Variants in RFX4 observed in about 807,000 individuals in gnomAD.
RFX4 encodes the protein transcription factor RFX4.
Under a neutral mutation model 95.0 loss-of-function variants are expected in RFX4, and 10 were observed. That is an observed-to-expected ratio of 0.11 (90% confidence interval 0.06 to 0.18). The LOEUF is 0.18. Among genes scored for constraint, RFX4 ranks in the 10% least tolerant of loss-of-function variants. The pLI is 1.00. For missense variants in RFX4, 640 were observed against 922.0 expected (o/e 0.69, Z 3.96); for synonymous variants, 321 against 340.7 (o/e 0.94, Z 0.64).
At chr12:106,748,972 C>A (rs561116818) in intron 16 of RFX4, among the ~76,000 whole-genome samples, 17 of 151,916 alleles carry the variant, frequency 1.1e-4, no homozygotes, top group Non-Finnish European at 1.9e-4. Context: ...GTAGTCCCAG[C>A]TACTCGTGAG....
chr12:106,599,523 T>C (rs900070536), intron 1 of RFX4, among the ~76,000 whole-genome samples: 4 of 151,978 alleles, frequency 2.6e-5, no homozygotes, highest in Middle Eastern at 3.2e-3. Flanking sequence ...GTGATGGTGC[T>C]TGTGTTGGGA....
At chr12:106,604,520 A>G (rs964272301) in intron 1 of RFX4, among the ~76,000 whole-genome samples, 1 of 151,198 alleles carries the variant, frequency 6.6e-6, no homozygotes, top group Non-Finnish European at 1.5e-5. Flanking sequence ...TTGATATGTT[A>G]TACTTTTCCA....
chr12:106,700,159 G>A (rs2041957399), intron 8 of RFX4, among the ~76,000 whole-genome samples: 1 of 151,924 alleles, frequency 6.6e-6, no homozygotes, highest in African/African-American at 2.4e-5. Flanking sequence ...GGTCTCCTGA[G>A]TAGCTGAAAT....
At position 106,678,064 on chromosome 12, in the gene RFX4, T is replaced by C. The variant is rs114358172; in HGVS notation, c.316-3929T>C. On this transcript the variant is annotated intron_variant, in intron 4 of 17. Coordinates refer to ENST00000392842, the MANE Select transcript of RFX4 (RefSeq NM_213594.3). ...AAACCATCAGGAATGAAGGGAGTCA[T>C]AGATTAAATTGATCCGTGAATTCCC... is the stretch of plus-strand genomic sequence containing the variant. Among the ~76,000 whole-genome samples, 691 of 152,302 alleles carry C rather than the reference T, an allele frequency of 4.5e-3. 3 individuals are homozygous for C. The highest frequency in any genetic ancestry group is 0.016 in the African/African-American group (668 of 41,574).
intron 7 of RFX4, chr12:106,693,161 G>A (rs778465981): frequency 1.2e-5 from 5 of 401,588 alleles, no homozygotes; most frequent in South Asian, 5.7e-5. Flanking sequence ...TAGTGCTTGA[G>A]CTAAGGCCAT....
intron 2 of RFX4, among the ~76,000 whole-genome samples, chr12:106,632,168 T>C (rs979714255): frequency 1.3e-5 from 2 of 152,286 alleles, no homozygotes; most frequent in African/African-American, 2.4e-5. Flanking sequence ...AGAGCAGAGA[T>C]GCTCACCACT....
intron 4 of RFX4, among the ~76,000 whole-genome samples, chr12:106,664,943 T>G (rs949417254): frequency 6.6e-6 from 1 of 151,900 alleles, no homozygotes. Flanking sequence ...GTGATCTATC[T>G]TGATGAATGT....
chr12:106,617,927 A>G (rs374179334), intron 2 of RFX4, among the ~76,000 whole-genome samples: 9 of 152,142 alleles, frequency 5.9e-5, no homozygotes, highest in Non-Finnish European at 1.3e-4. Flanking sequence ...AGGTTTCACC[A>G]TGTTGGCCAG....
intron 15 of RFX4, among the ~76,000 whole-genome samples, chr12:106,735,423 C>G (rs1360938466): frequency 3.9e-5 from 6 of 152,026 alleles, no homozygotes; most frequent in African/African-American, 1.4e-4. Flanking sequence ...ACCAAAAGCT[C>G]TCATTGAACA....
intron 17 of RFX4, among the ~76,000 whole-genome samples, chr12:106,753,076 GA>G (rs984965603): frequency 6.6e-6 from 1 of 152,008 alleles, no homozygotes; most frequent in African/African-American, 2.4e-5. Context: ...GAGGCTTTCG[GA>G]AAAAAACCCA....
chr12:106,587,175 C>CTG (rs1208827499), intron 1 of RFX4, among the ~76,000 whole-genome samples: 1 of 152,228 alleles, frequency 6.6e-6, no homozygotes, highest in East Asian at 1.9e-4. Flanking sequence ...GCACGCGACT[C>CTG]TGTGCGGCAG....
intron 2 of RFX4, among the ~76,000 whole-genome samples, chr12:106,627,827 G>A (rs2040333566): frequency 1.3e-5 from 2 of 152,226 alleles, no homozygotes; most frequent in African/African-American, 4.8e-5. Context: ...GGAAGTTCAG[G>A]GTGGTCAGGA....
At chr12:106,689,185 C>T (rs781231585) in intron 6 of RFX4, 102 bp from the exon 7 acceptor site, 11 of 960,394 alleles carry the variant, frequency 1.1e-5, no homozygotes, top group African/African-American at 4.9e-5. Context: ...GAATTGCATC[C>T]CCCCCACAGG....
At chr12:106,608,049 C>T (rs915594176) in intron 1 of RFX4, among the ~76,000 whole-genome samples, 8 of 152,146 alleles carry the variant, frequency 5.3e-5, no homozygotes, top group Non-Finnish European at 1.2e-4. Flanking sequence ...AAAAATTAGC[C>T]GAACTTGGTG....
intron 2 of RFX4, among the ~76,000 whole-genome samples, chr12:106,622,081 G>T (rs1490092217): frequency 6.6e-6 from 1 of 152,188 alleles, no homozygotes; most frequent in African/African-American, 2.4e-5. Context: ...ACCTAGAGAA[G>T]TGAAGTGGCT....
chr12:106,739,682 C>T (rs2042772679), intron 15 of RFX4, among the ~76,000 whole-genome samples: 1 of 151,960 alleles, frequency 6.6e-6, no homozygotes, highest in Non-Finnish European at 1.5e-5. Flanking sequence ...GATATATGGC[C>T]AATTTTGGTT....
intron 11 of RFX4, among the ~76,000 whole-genome samples, chr12:106,718,034 A>G (rs750155964): frequency 4.6e-5 from 7 of 152,184 alleles, no homozygotes; most frequent in Admixed American, 6.5e-5. Flanking sequence ...TTAGATTTTA[A>G]AAGTGCACAT....
At chr12:106,622,294 C>T (rs2137238780) in intron 2 of RFX4, among the ~76,000 whole-genome samples, 1 of 152,168 alleles carries the variant, frequency 6.6e-6, no homozygotes, top group African/African-American at 2.4e-5. Context: ...GGAAAAATAT[C>T]TGAGGAAAGA....
At chr12:106,606,794 T>TACAAA (rs1400798977) in intron 1 of RFX4, among the ~76,000 whole-genome samples, 3 of 152,110 alleles carry the variant, frequency 2.0e-5, no homozygotes, top group South Asian at 4.1e-4. Context: ...GGACATAAAA[T>TACAAA]ACAAAACAAA....
Sources: allele counts gnomAD v4.1 joint callset (sites outside exome capture counted in the v4.1 genomes callset), GRCh38; gene constraint gnomAD v4.1.1; transcripts MANE v1.5; gene names NCBI Gene and HGNC (gene_info 2026-07-23, HGNC 2026-07-21).